ZNF891: variants seen among roughly 807,000 people sequenced by gnomAD.
The protein encoded by ZNF891 is zinc finger protein 891.
For synonymous variants in ZNF891, 199 were observed against 209.0 expected (o/e 0.95, Z 0.41); for missense variants, 589 against 632.7 (o/e 0.93, Z 0.74).
rs1325361326 is a variant in ZNF891, at chr12:133,121,317, C to A, written c.602G>T (p.Gly201Val). 1 of 1,535,586 alleles carries A rather than the reference C, an allele frequency of 6.5e-7. No individual in the cohort carries two copies. Among genetic ancestry groups the A allele is most frequent in the Admixed American group, 2.0e-5 (1 of 50,918 alleles). Residue 201 changes from glycine to valine, a missense_variant, in exon 2 of 2, where the codon GGA (glycine) becomes GTA (valine). Physicochemically the swap from Gly to Val is moderately radical, Grantham distance 109. Transcript: ENST00000537226. ...YHELEENSKL[G>V]SKLIFSQSIF... ...GCTCTGTGAAAAAATAAGTTTTGATCCAAGTTTAGAGTTTTCCTCTAATTC... is the reference window on the plus strand; with the variant it reads ...GCTCTGTGAAAAAATAAGTTTTGATACAAGTTTAGAGTTTTCCTCTAATTC...
rs1459272660 is a variant in ZNF891, at chr12:133,121,783, T to A, written c.136A>T (p.Lys46Ter). ...TTWLQEPMTF[K>*]DVAVEFTQEE... ...TGAGTGAACTCCACAGCTACATCTT[T>A]GAAAGTCATTGGTTCCTGTAACCAG... Residue 46 changes from lysine to a stop codon, truncating the protein, a stop_gained, in exon 2 of 2, where the codon AAA becomes TAA. Coordinates refer to ENST00000537226, the MANE Select transcript of ZNF891 (RefSeq NM_001277291.2). LOFTEE classifies it low-confidence loss of function (END_TRUNC). 6.5e-7 allele frequency: 1 copy of A among 1,536,900 alleles called. No homozygotes were observed. The highest frequency in any genetic ancestry group is 2.0e-5 in the Admixed American group (1 of 51,008).
chr12:133,106,508 A>C lies in ZNF891; in HGVS notation c.*13776T>G. The C allele has an allele frequency of 6.2e-7, 1 of 1,614,114 alleles. No individual in the cohort carries two copies. Among genetic ancestry groups the C allele is most frequent in the Non-Finnish European group, 8.5e-7 (1 of 1,180,016 alleles). ...ACATCAGAGAACTCATACTGGAGAG[A>C]AACCCTATGTATGTAAGGTATGCAA... On this transcript the variant is annotated 3_prime_UTR_variant, in exon 2 of 2. Transcript: ENST00000537226.
rs1268479832 is a variant in ZNF891 at position 133,117,332 on chromosome 12, A to C, written c.*2952T>G. 1.3e-5 allele frequency: 2 copies of C among 152,266 alleles called. No individual in the cohort carries two copies. The highest frequency in any genetic ancestry group is 4.8e-5 in the African/African-American group (2 of 41,474). 9.4% of individuals were successfully genotyped at this position (152,266 alleles called of 1,614,324 possible). ...TGTTAGCAAAACTGAAGATCTATTC[A>C]TAAAGAATAAAAAATATATATATTT... On this transcript the variant is annotated 3_prime_UTR_variant, in exon 2 of 2. Transcript: ENST00000537226.
At position 133,121,795 on chromosome 12, in the gene ZNF891, G is replaced by C; in HGVS notation, c.124C>G (p.Pro42Ala). The change falls in exon 2 of 2, where the codon CCA becomes GCA. Residue 42 changes from proline (P) to alanine (A), a missense_variant. By Grantham distance (27) the Pro-to-Ala change is conservative. Coordinates refer to ENST00000537226, the MANE Select transcript of ZNF891 (RefSeq NM_001277291.2). ...AVFLTTWLQE[P>A]MTFKDVAVEF... ...ACAGCTACATCTTTGAAAGTCATTG[G>C]TTCCTGTAACCAGGTTGTCAGAAAT... is the stretch of plus-strand genomic sequence containing the variant. The C allele has an allele frequency of 1.3e-6, 2 of 1,536,790 alleles. No individual in the cohort carries two copies. Among genetic ancestry groups the C allele is most frequent in the Middle Eastern group, 1.7e-4 (1 of 5,994 alleles).
chr12:133,123,907 C>A, intron 1 of ZNF891, among the ~76,000 whole-genome samples: 1 of 152,028 alleles, frequency 6.6e-6, no homozygotes, highest in Admixed American at 6.6e-5. Context: ...AACAACTTTA[C>A]TAAACAATAG....
chr12:133,112,327 C>CT lies in ZNF891; in HGVS notation c.*7956dup, dbSNP rs112022222. 0.29 allele frequency: 43,139 copies of CT among 147,132 alleles called. 6,420 individuals carry two copies. Among genetic ancestry groups the CT allele is most frequent in the African/African-American group, 0.35 (13,958 of 40,164 alleles). 9.1% of individuals were successfully genotyped at this position (147,132 alleles called of 1,614,324 possible). A position where few individuals can be genotyped will look rare whatever the true frequency, so the allele number is the denominator to read the frequency against. On this transcript the variant is annotated 3_prime_UTR_variant, in exon 2 of 2. Coordinates refer to ENST00000537226, the MANE Select transcript of ZNF891 (RefSeq NM_001277291.2). Reference sequence around the variant, plus strand: ...AATGTTATTTTCTCATGGAGACCTTCTTTTTTTTTTTTGAGACACAGTCTT... The same window carrying CT: ...AATGTTATTTTCTCATGGAGACCTTCTTTTTTTTTTTTTGAGACACAGTCTT...
Position 133,115,530 on chromosome 12 carries a change from G to A in ZNF891, c.*4754C>T, listed in dbSNP as rs2173969. ...ATTTTTTAAGGCAGTAGAATCCAGG[G>A]TTTCCTTCTGTGTAGGGCAGAAGTT... On this transcript the variant is annotated 3_prime_UTR_variant, in exon 2 of 2. Coordinates refer to ENST00000537226, the MANE Select transcript of ZNF891 (RefSeq NM_001277291.2). The A allele has an allele frequency of 6.6e-6, 1 of 151,926 alleles. No homozygotes were observed. Among genetic ancestry groups the A allele is most frequent in the Non-Finnish European group, 1.5e-5 (1 of 67,984 alleles). 9.4% of individuals were successfully genotyped at this position (151,926 alleles called of 1,614,324 possible). A position where few individuals can be genotyped will look rare whatever the true frequency, so the allele number is the denominator to read the frequency against.
Position 133,108,192 on chromosome 12 carries a change from A to G in ZNF891, c.*12092T>C, listed in dbSNP as rs1955652374. On this transcript the variant is annotated 3_prime_UTR_variant, in exon 2 of 2. Coordinates refer to ENST00000537226, the MANE Select transcript of ZNF891 (RefSeq NM_001277291.2). ...GCCTTACTACGTATGGGTATCTAAT[A>G]TCTGATTTGATTTTCTCAAGCAGCA... 6.6e-6 allele frequency: 1 copy of G among 151,904 alleles called. No homozygotes were observed. The highest frequency in any genetic ancestry group is 1.5e-5 in the Non-Finnish European group (1 of 68,000). The allele number at this position is 151,904 out of a possible 1,614,324, so 9.4% of individuals were successfully genotyped here. A position where few individuals can be genotyped will look rare whatever the true frequency, so the allele number is the denominator to read the frequency against.
chr12:133,126,473 CAAAAAAAAAA>C (rs869209894), intron 1 of ZNF891, among the ~76,000 whole-genome samples: 3 of 58,348 alleles, frequency 5.1e-5, no homozygotes, highest in Non-Finnish European at 9.9e-5. Flanking sequence ...GACTCCGTCT[CAAAAAAAAAA>C]AAAAAAAAAA....
chr12:133,116,752 C>T lies in ZNF891; in HGVS notation c.*3532G>A, dbSNP rs1955717296. ...CTCTGAGATTCCCTTAATAAACTCC[C>T]TTAATATCCTCAACTATTTCCCTGA... is the stretch of plus-strand genomic sequence containing the variant. On this transcript the variant is annotated 3_prime_UTR_variant, in exon 2 of 2. Coordinates refer to ENST00000537226, the MANE Select transcript of ZNF891 (RefSeq NM_001277291.2). 6.6e-6 allele frequency: 1 copy of T among 152,214 alleles called. No homozygotes were observed. The highest frequency in any genetic ancestry group is 2.4e-5 in the African/African-American group (1 of 41,426). 9.4% of individuals were successfully genotyped at this position (152,214 alleles called of 1,614,324 possible).
rs1955715987 is a variant in ZNF891 at position 133,116,509 on chromosome 12, A to T, written c.*3775T>A. 6.6e-6 allele frequency: 1 copy of T among 152,182 alleles called. No homozygotes were observed. Among genetic ancestry groups the T allele is most frequent in the Admixed American group, 6.6e-5 (1 of 15,266 alleles). The allele number at this position is 152,182 out of a possible 1,614,324, so 9.4% of individuals were successfully genotyped here. A position where few individuals can be genotyped will look rare whatever the true frequency, so the allele number is the denominator to read the frequency against. On this transcript the variant is annotated 3_prime_UTR_variant, in exon 2 of 2. Transcript: ENST00000537226. ...AGCATGACTGCAGGCTCTCCTTTCCAAGCTACAAATGAATCCCAGTAGACC... is the reference window on the plus strand; with the variant it reads ...AGCATGACTGCAGGCTCTCCTTTCCTAGCTACAAATGAATCCCAGTAGACC...
chr12:133,120,631 T>C lies in ZNF891; in HGVS notation c.1288A>G (p.Lys430Glu). The change falls in exon 2 of 2, where the codon AAA becomes GAA. Residue 430 changes from lysine to glutamate, a missense_variant. Coordinates refer to ENST00000537226, the MANE Select transcript of ZNF891 (RefSeq NM_001277291.2). ...CCACACTCACTGCATTCATAGAGTT[T>C]TTCTCCAGTGTGTATTCTCTTGTGC... ...IVHKRIHTGE[K>E]LYECSECGKA... The C allele has an allele frequency of 6.4e-7, 1 of 1,560,106 alleles. No homozygotes were observed. The highest frequency in any genetic ancestry group is 8.7e-7 in the Non-Finnish European group (1 of 1,153,184).
Position 133,105,670 on chromosome 12 carries a change from A to C in ZNF891, c.*14614T>G. The C allele has an allele frequency of 1.2e-6, 2 of 1,614,216 alleles. No individual in the cohort carries two copies. The highest frequency in any genetic ancestry group is 1.7e-6 in the Non-Finnish European group (2 of 1,180,038). ...GCAAGGATCATACTGAGATGCTGCA[A>C]GAAAATCAGGGATGTATTAGGAAAG... On this transcript the variant is annotated 3_prime_UTR_variant, in exon 2 of 2. Transcript: ENST00000537226.
rs960001225 is a variant in ZNF891 at position 133,112,702 on chromosome 12, A to G, written c.*7582T>C. ...CCTTCATATTTTGAATTCTGCCTAG[A>G]GTAAGAGGAAGTCTAAAAAGTATCC... On this transcript the variant is annotated 3_prime_UTR_variant, in exon 2 of 2. Transcript: ENST00000537226. The G allele has an allele frequency of 2.0e-5, 3 of 152,256 alleles. No homozygotes were observed. Among genetic ancestry groups the G allele is most frequent in the Non-Finnish European group, 2.9e-5 (2 of 68,050 alleles). The allele number at this position is 152,256 out of a possible 1,614,324, so 9.4% of individuals were successfully genotyped here.
At chr12:133,129,455 G>C (rs1955852169) in intron 1 of ZNF891, among the ~76,000 whole-genome samples, 1 of 150,090 alleles carries the variant, frequency 6.7e-6, no homozygotes, top group African/African-American at 2.5e-5. Context: ...GAGCCAAGAT[G>C]GCGCCATTGC....
Position 133,111,773 on chromosome 12 carries a change from G to A in ZNF891, c.*8511C>T, listed in dbSNP as rs1209073769. 6.6e-6 allele frequency: 1 copy of A among 152,028 alleles called. No homozygotes were observed. The highest frequency in any genetic ancestry group is 1.5e-5 in the Non-Finnish European group (1 of 68,006). The allele number at this position is 152,028 out of a possible 1,614,324, so 9.4% of individuals were successfully genotyped here. On this transcript the variant is annotated 3_prime_UTR_variant, in exon 2 of 2. Transcript: ENST00000537226. ...TGTTTATGCTAAAACAAATCTCATTGTCTTTTAAAAAGTGAATGCAACTTA... is the reference window on the plus strand; with the variant it reads ...TGTTTATGCTAAAACAAATCTCATTATCTTTTAAAAAGTGAATGCAACTTA...
chr12:133,122,366 T>A (rs1417071961), intron 1 of ZNF891: 1 of 361,764 alleles, frequency 2.8e-6, no homozygotes, highest in Non-Finnish European at 3.8e-6. Context: ...GCTACTTTTT[T>A]AACTTTTGGG....
rs1048523205 is a variant in ZNF891 at position 133,118,911 on chromosome 12, G to C, written c.*1373C>G. The C allele has an allele frequency of 2.0e-4, 30 of 152,162 alleles. No homozygotes were observed. Among genetic ancestry groups the C allele is most frequent in the African/African-American group, 7.2e-4 (30 of 41,506 alleles). The allele number at this position is 152,162 out of a possible 1,614,324, so 9.4% of individuals were successfully genotyped here. On this transcript the variant is annotated 3_prime_UTR_variant, in exon 2 of 2. Transcript: ENST00000537226. ...TGGTGACTGCGTTGACTGTATTTAT[G>C]TAGTGCTTTAAAAAAAATCAGTAAG...
At position 133,120,314 on chromosome 12, in the gene ZNF891, CTT is replaced by C. The variant is rs1566334943; in HGVS notation, c.1603_1604del (p.Lys535GlufsTer5). 7.1e-6 allele frequency: 11 copies of C among 1,549,412 alleles called. No individual in the cohort carries two copies. The Admixed American group carries it at 7.8e-5, about 11-fold the overall frequency. On this transcript the variant is annotated frameshift_variant, in exon 2 of 2. Coordinates refer to ENST00000537226, the MANE Select transcript of ZNF891 (RefSeq NM_001277291.2). LOFTEE classifies it high-confidence loss of function. ...GGGTTTCTCTCTCAGTATGAATTCT[CTT>C]GTGTATAATAAGTGAAGAGCTCTGA... ...FSQSSSLIIH[K>X]RIHTERETL
Sources: allele counts gnomAD v4.1 joint callset (sites outside exome capture counted in the v4.1 genomes callset), GRCh38; gene constraint gnomAD v4.1.1; transcripts MANE v1.5; gene names NCBI Gene and HGNC (gene_info 2026-07-23, HGNC 2026-07-21).